Variants in FRYL observed in about 807,000 individuals in gnomAD.
FRYL encodes the protein FRY like transcription coactivator.
Under a neutral mutation model 351.2 loss-of-function variants are expected in FRYL, and 150 were observed. The observed-to-expected ratio is 0.43, with a 90% CI of 0.37 to 0.49. FRYL has a LOEUF of 0.49. Ranked by LOEUF, FRYL falls within the 20% of genes least tolerant of loss-of-function variation. FRYL has a pLI of 0.00. For missense variants in FRYL, 3,036 were observed against 3,619.3 expected, an observed-to-expected ratio of 0.84 and a Z score of 4.13; for synonymous variants, 1,153 against 1,257.1, an observed-to-expected ratio of 0.92 and a Z score of 1.75.
intron 55 of FRYL, among the ~76,000 whole-genome samples, chr4:48,518,165 G>A (rs1051459063): frequency 1.7e-4 from 26 of 152,202 alleles, no homozygotes; most frequent in African/African-American, 5.8e-4. Flanking sequence ...CTGGTGTTAC[G>A]GTGTATGGTG....
chr4:48,616,271 T>G (rs772064232), intron 7 of FRYL, among the ~76,000 whole-genome samples: 1 of 151,896 alleles, frequency 6.6e-6, no homozygotes, highest in Non-Finnish European at 1.5e-5. Flanking sequence ...ATTTTACCAA[T>G]GAGAATTAAG....
intron 43 of FRYL, 97 bp downstream of exon 43, chr4:48,544,686 G>A: frequency 1.1e-6 from 1 of 927,536 alleles, no homozygotes; most frequent in South Asian, 2.4e-5. Flanking sequence ...ACTTTTAGAG[G>A]TATCACAATA....
rs1263271243 is a variant in FRYL at position 48,669,561 on chromosome 4, G to GTA, written c.-81+15110_-81+15111dup. Among the ~76,000 whole-genome samples the GTA allele has an allele frequency of 1.1e-4, 17 of 148,372 alleles. 1 individual carries two copies. The highest frequency in any genetic ancestry group is 3.9e-4 in the East Asian group (2 of 5,122). On this transcript the variant is annotated intron_variant, in intron 3 of 63. Coordinates refer to ENST00000358350, the MANE Select transcript of FRYL (RefSeq NM_015030.2). ...TATAATTTATAATAATATTATAAGG[G>GTA]TATATATATATAAAGGATATATATG...
chr4:48,576,218 G>A lies in FRYL; in HGVS notation c.2533C>T (p.Pro845Ser). The change falls in exon 24 of 64, where the codon CCC becomes TCC. Residue 845 changes from proline to serine, a missense_variant. Pro to Ser is a moderately conservative substitution (Grantham distance 74). Around this residue, in one of 7 missense-constraint regions of FRYL, gnomAD observed 492 missense variants for 551.5 expected, o/e 0.89. Transcript: ENST00000358350. ...LLSPQVDINS[P>S]INAKKVNTTT... ...GTATTTACTTTCTTAGCATTGATGG[G>A]GCTACTAAGGAAAAAAAAAGAAAAA... 2 of 1,575,998 alleles carry A rather than the reference G, an allele frequency of 1.3e-6. No individual in the cohort carries two copies. The highest frequency in any genetic ancestry group is 1.7e-6 in the Non-Finnish European group (2 of 1,164,170).
chr4:48,711,639 CACAG>C (rs976361164), intron 1 of FRYL, among the ~76,000 whole-genome samples: 2 of 152,410 alleles, frequency 1.3e-5, no homozygotes, highest in Admixed American at 6.5e-5. Flanking sequence ...GGGGGCAGGG[CACAG>C]ACAAACAAAA....
intron 3 of FRYL, among the ~76,000 whole-genome samples, chr4:48,649,603 A>G (rs1757231137): frequency 6.6e-6 from 1 of 152,226 alleles, no homozygotes; most frequent in Non-Finnish European, 1.5e-5. Flanking sequence ...TTTAAATGAT[A>G]ACATCCTCAC....
intron 59 of FRYL, among the ~76,000 whole-genome samples, chr4:48,508,398 A>G (rs1721754239): frequency 6.6e-6 from 1 of 152,224 alleles, no homozygotes; most frequent in Admixed American, 6.5e-5. Context: ...CATGGTATAT[A>G]GTCCTCCATT....
At chr4:48,688,887 C>T (rs1029198641) in intron 2 of FRYL, among the ~76,000 whole-genome samples, 3 of 152,026 alleles carry the variant, frequency 2.0e-5, no homozygotes, top group Non-Finnish European at 4.4e-5. Flanking sequence ...TAGTCTTGAA[C>T]TTTTGACCTC....
chr4:48,714,651 G>T (rs6637523), intron 1 of FRYL, among the ~76,000 whole-genome samples: 5 of 149,828 alleles, frequency 3.3e-5, no homozygotes, highest in African/African-American at 1.2e-4. Context: ...ACCAAAAAGA[G>T]TCCAGGACCA....
chr4:48,571,169 C>T (rs1362357549), intron 26 of FRYL, among the ~76,000 whole-genome samples: 2 of 152,160 alleles, frequency 1.3e-5, no homozygotes, highest in African/African-American at 4.8e-5. Context: ...TAAAATACTA[C>T]ATTTTTAGGT....
intron 1 of FRYL, among the ~76,000 whole-genome samples, chr4:48,739,871 A>C (rs1771853636): frequency 6.6e-6 from 1 of 152,194 alleles, no homozygotes; most frequent in Admixed American, 6.5e-5. Context: ...TAATGGATTA[A>C]TGGGTTATCA....
intron 3 of FRYL, among the ~76,000 whole-genome samples, chr4:48,671,889 A>AAAAAAAAAG (rs1762816111): frequency 6.7e-6 from 1 of 148,514 alleles, no homozygotes; most frequent in Non-Finnish European, 1.5e-5. Context: ...AAAAAAAAAA[A>AAAAAAAAAG]AAGAAGGAAA....
chr4:48,684,705 T>C lies in FRYL; in HGVS notation c.-113A>G, dbSNP rs574146490. On this transcript the variant is annotated 5_prime_UTR_variant, in exon 3 of 64. Coordinates refer to ENST00000358350, the MANE Select transcript of FRYL (RefSeq NM_015030.2). ...CTTGAGACAGTAATTTCTTGGTGAC[T>C]TGGATCATCTAATCCTATGACTCTT... The C allele has an allele frequency of 4.6e-5, 7 of 152,358 alleles. No homozygotes were observed. Among genetic ancestry groups the C allele is most frequent in the African/African-American group, 1.7e-4 (7 of 41,588 alleles). The allele number at this position is 152,358 out of a possible 1,614,324, so 9.4% of individuals were successfully genotyped here.
At chr4:48,645,428 A>G (rs1756273818) in intron 3 of FRYL, among the ~76,000 whole-genome samples, 1 of 152,160 alleles carries the variant, frequency 6.6e-6, no homozygotes, top group Non-Finnish European at 1.5e-5. Flanking sequence ...TGCCAACTCC[A>G]GCATTAATAT....
intron 22 of FRYL, 92 bp downstream of exon 22, chr4:48,580,773 A>G: frequency 1.3e-6 from 1 of 783,032 alleles, no homozygotes; most frequent in Admixed American, 2.5e-5. Context: ...TTGTTAAGGA[A>G]GTTATTTTAT....
At chr4:48,554,997 A>T (rs1367894516) in intron 35 of FRYL, among the ~76,000 whole-genome samples, 1 of 152,222 alleles carries the variant, frequency 6.6e-6, no homozygotes, top group Non-Finnish European at 1.5e-5. Context: ...CCTCTGTAAA[A>T]CTGCAGTGAT....
rs1240923987 is a variant in FRYL, at chr4:48,655,898, C to A, written c.-80-21408G>T. On this transcript the variant is annotated intron_variant, in intron 3 of 63. Transcript: ENST00000358350. Reference sequence around the variant, plus strand: ...ACATACATGTATATAATGTATAATTCTATGTACATTATATATAATGTGTAA... The same window carrying A: ...ACATACATGTATATAATGTATAATTATATGTACATTATATATAATGTGTAA... Among the ~76,000 whole-genome samples, 11 of 133,666 alleles carry A rather than the reference C, an allele frequency of 8.2e-5. No individual in the cohort carries two copies. In the East Asian group the frequency reaches 2.3e-3, roughly 28 times the overall value. The allele number at this position is 133,666 out of a possible 152,430, so 87.7% of individuals were successfully genotyped here.
chr4:48,648,550 A>C (rs1174207669), intron 3 of FRYL, among the ~76,000 whole-genome samples: 1 of 152,164 alleles, frequency 6.6e-6, no homozygotes, highest in African/African-American at 2.4e-5. Context: ...AGTTAGCTAA[A>C]GAGTTTGGGT....
intron 1 of FRYL, among the ~76,000 whole-genome samples, chr4:48,727,883 C>G (rs1770259057): frequency 2.0e-5 from 3 of 152,066 alleles, no homozygotes; most frequent in Admixed American, 2.0e-4. Context: ...AGGAAATACC[C>G]AACTCTAGCC....
Sources: allele counts gnomAD v4.1 joint callset (sites outside exome capture counted in the v4.1 genomes callset), GRCh38; gene constraint gnomAD v4.1.1; regional missense constraint gnomAD v4.1.1; transcripts MANE v1.5; gene names NCBI Gene and HGNC (gene_info 2026-07-23, HGNC 2026-07-21).